Variants in SUCLA2 observed in about 807,000 individuals in gnomAD.
The protein encoded by SUCLA2 is succinate--CoA ligase [ADP-forming] subunit beta, mitochondrial.
SUCLA2 carries 30 observed loss-of-function variants against 54.8 expected under a neutral mutation model. The ratio of observed to expected loss-of-function variants is 0.55; its 90% CI spans 0.41 to 0.74. The LOEUF is 0.74. Ranked by LOEUF, SUCLA2 falls within the 30% of genes least tolerant of loss-of-function variation. The probability of loss-of-function intolerance (pLI) is 0.00; values close to 1 mark genes in which losing one functional copy is unlikely to be tolerated. For missense variants in SUCLA2, 476 were observed against 562.9 expected (o/e 0.85, Z 1.56); for synonymous variants, 172 against 188.9 (o/e 0.91, Z 0.74).
intron 6 of SUCLA2, among the ~76,000 whole-genome samples, chr13:47,961,757 ATTG>A (rs2137704927): frequency 6.6e-6 from 1 of 152,294 alleles, no homozygotes; most frequent in African/African-American, 2.4e-5. Context: ...ATTATGTTAA[ATTG>A]TTGTATGCCA....
Position 47,996,939 on chromosome 13 carries a change from T to C in SUCLA2, c.175A>G (p.Met59Val), listed in dbSNP as rs775715778. ...GCTTCTTGCAATAATTCCATACTCA[T>C]GTATTCATGTAGTGAGAGATTCCTT... is the stretch of plus-strand genomic sequence containing the variant. ...QQRNLSLHEY[M>V]SMELLQEAGV... The change falls in exon 2 of 11, where the codon ATG becomes GTG. Residue 59 changes from methionine (M) to valine (V), a missense_variant. Transcript: ENST00000646932. 5.6e-6 allele frequency: 9 copies of C among 1,614,094 alleles called. No homozygotes were observed. Among genetic ancestry groups the C allele is most frequent in the Non-Finnish European group, 5.9e-6 (7 of 1,179,974 alleles).
At chr13:47,998,628 G>C (rs1034785813) in intron 1 of SUCLA2, among the ~76,000 whole-genome samples, 1 of 152,186 alleles carries the variant, frequency 6.6e-6, no homozygotes, top group African/African-American at 2.4e-5. Flanking sequence ...ATAATGTAGA[G>C]AGAAAGAAGC....
chr13:47,964,744 C>G (rs1333961764), intron 6 of SUCLA2, among the ~76,000 whole-genome samples: 2 of 152,074 alleles, frequency 1.3e-5, no homozygotes, highest in Non-Finnish European at 2.9e-5. Flanking sequence ...GTAGTCCCAG[C>G]TGCTTGGGAG....
chr13:47,984,634 G>T (rs540264859), intron 4 of SUCLA2, among the ~76,000 whole-genome samples: 2 of 151,996 alleles, frequency 1.3e-5, no homozygotes, highest in Non-Finnish European at 2.9e-5. Flanking sequence ...TCTGTAGCAG[G>T]GCATCGTGGA....
At position 47,965,271 on chromosome 13, in the gene SUCLA2, T is replaced by A. The variant is rs368457908; in HGVS notation, c.802+3324A>T. On this transcript the variant is annotated intron_variant, in intron 6 of 10. Coordinates refer to ENST00000646932, the MANE Select transcript of SUCLA2 (RefSeq NM_003850.3). ...AGGAATATAATATTTTCCCACAAATTTCATAGTAATTACAACGGGAAAAAC... is the reference window on the plus strand; with the variant it reads ...AGGAATATAATATTTTCCCACAAATATCATAGTAATTACAACGGGAAAAAC... Among the ~76,000 whole-genome samples, 19 of 151,864 alleles carry A rather than the reference T, an allele frequency of 1.3e-4. No homozygotes were observed. The East Asian group carries it at 3.5e-3, about 28-fold the overall frequency.
chr13:47,999,302 T>C (rs937760468), intron 1 of SUCLA2, among the ~76,000 whole-genome samples: 9 of 152,218 alleles, frequency 5.9e-5, no homozygotes, highest in Admixed American at 3.3e-4. Flanking sequence ...CTGCGGTTAT[T>C]TGGAAGAATG....
chr13:47,992,131 G>GC (rs2137747583), intron 2 of SUCLA2, among the ~76,000 whole-genome samples: 2 of 152,250 alleles, frequency 1.3e-5, no homozygotes, highest in African/African-American at 4.8e-5. Flanking sequence ...CAAATGTAAT[G>GC]TAAAAAATGG....
chr13:47,970,194 T>C (rs1949951359), intron 5 of SUCLA2, among the ~76,000 whole-genome samples: 1 of 151,818 alleles, frequency 6.6e-6, no homozygotes, highest in Admixed American at 6.6e-5. Flanking sequence ...CATTTTATTA[T>C]GAAAGTTTTT....
At chr13:47,979,485 C>T (rs952070290) in intron 4 of SUCLA2, among the ~76,000 whole-genome samples, 8 of 151,212 alleles carry the variant, frequency 5.3e-5, no homozygotes, top group South Asian at 2.1e-4. Context: ...CGGGGCCTGT[C>T]GGGGGGTGGG....
chr13:47,996,185 A>G (rs1950188948), intron 2 of SUCLA2, among the ~76,000 whole-genome samples: 1 of 151,880 alleles, frequency 6.6e-6, no homozygotes, highest in Non-Finnish European at 1.5e-5. Flanking sequence ...TTAGCCGGAC[A>G]TGGTGGTGGT....
chr13:48,000,887 C>T, intron 1 of SUCLA2: 2 of 1,284,846 alleles, frequency 1.6e-6, no homozygotes, highest in East Asian at 3.5e-5. Flanking sequence ...CTGACCCCCT[C>T]ACCTCCACTC....
chr13:47,998,237 A>T (rs532860792), intron 1 of SUCLA2, among the ~76,000 whole-genome samples: 5 of 151,216 alleles, frequency 3.3e-5, no homozygotes, highest in African/African-American at 1.2e-4. Flanking sequence ...TGATTTCACC[A>T]CTGTCCTCCA....
chr13:47,949,645 T>C, intron 8 of SUCLA2, 42 bp from the exon 9 acceptor site: 3 of 1,602,976 alleles, frequency 1.9e-6, no homozygotes, highest in Non-Finnish European at 2.6e-6. Context: ...TTAAAAGAAA[T>C]TTAAGTTCTT....
At chr13:47,980,497 A>G (rs1489818055) in intron 4 of SUCLA2, among the ~76,000 whole-genome samples, 2 of 152,196 alleles carry the variant, frequency 1.3e-5, no homozygotes, top group Non-Finnish European at 2.9e-5. Flanking sequence ...GGAAGACTTA[A>G]TATTGTTAAA....
chr13:47,948,839 T>A (rs1949755301), intron 10 of SUCLA2, 101 bp downstream of exon 10: 1 of 1,132,772 alleles, frequency 8.8e-7, no homozygotes, highest in African/African-American at 1.5e-5. Context: ...ATTACACTCA[T>A]AATATTTAGC....
rs117313511 is a variant in SUCLA2, at chr13:47,982,322, T to A, written c.534+6219A>T. ...TCATGAATAAACCTTGAGGACATTA[T>A]GCTGAGATAAACCAGTTACAAAAAG... is the stretch of plus-strand genomic sequence containing the variant. On this transcript the variant is annotated intron_variant, in intron 4 of 10. Coordinates refer to ENST00000646932, the MANE Select transcript of SUCLA2 (RefSeq NM_003850.3). Among the ~76,000 whole-genome samples, 99 of 152,310 alleles carry A rather than the reference T, an allele frequency of 6.5e-4. No homozygotes were observed. In the East Asian group the frequency reaches 0.018, roughly 27 times the overall value.
intron 3 of SUCLA2, 28 bp from the exon 4 acceptor site, chr13:47,988,731 T>C (rs762283598): frequency 1.4e-4 from 220 of 1,612,562 alleles, no homozygotes; most frequent in Non-Finnish European, 1.8e-4. Flanking sequence ...ACTCAAATTT[T>C]TCTTTCCTCC....
At chr13:47,966,754 A>G (rs1016302950) in intron 6 of SUCLA2, among the ~76,000 whole-genome samples, 5 of 151,226 alleles carry the variant, frequency 3.3e-5, no homozygotes, top group African/African-American at 1.2e-4. Flanking sequence ...GATGGCTCAC[A>G]CCTTTAATCC....
intron 6 of SUCLA2, among the ~76,000 whole-genome samples, chr13:47,967,848 C>CAAAAAAAAAA (rs11349393): frequency 1.0e-5 from 1 of 96,186 alleles, no homozygotes; most frequent in Non-Finnish European, 2.2e-5. Context: ...GACTCAGTCT[C>CAAAAAAAAAA]AAAAAAAAAA....
Sources: allele counts gnomAD v4.1 joint callset (sites outside exome capture counted in the v4.1 genomes callset), GRCh38; gene constraint gnomAD v4.1.1; transcripts MANE v1.5; gene names NCBI Gene and HGNC (gene_info 2026-07-23, HGNC 2026-07-21).